SSBP2: variants seen among roughly 807,000 people sequenced by gnomAD.
The protein encoded by SSBP2 is single stranded DNA binding protein 2.
A neutral mutation model predicts 61.8 loss-of-function variants in SSBP2; 17 were observed. The observed-to-expected ratio is 0.28, with a 90% confidence interval of 0.19 to 0.41. SSBP2 has a LOEUF of 0.41. Ranked by LOEUF, SSBP2 falls within the 10% of genes least tolerant of loss-of-function variation. The pLI, the probability that SSBP2 is intolerant of heterozygous loss-of-function variation, is 1.00. For missense variants in SSBP2, 310 were observed against 458.7 expected (o/e 0.68, Z 2.96); for synonymous variants, 139 against 141.3 (o/e 0.98, Z 0.12).
chr5:81,515,117 CT>C (rs898227613), intron 4 of SSBP2, among the ~76,000 whole-genome samples: 3 of 151,868 alleles, frequency 2.0e-5, no homozygotes, highest in Non-Finnish European at 2.9e-5. Flanking sequence ...AAGCAAATTG[CT>C]TTTTTTCATT....
intron 6 of SSBP2, among the ~76,000 whole-genome samples, chr5:81,478,476 G>T (rs1003959981): frequency 2.0e-5 from 3 of 152,058 alleles, no homozygotes; most frequent in African/African-American, 7.2e-5. Flanking sequence ...AAGTAGCTGG[G>T]ATTATGGGCA....
At chr5:81,733,342 ATCTC>A (rs1020997127) in intron 1 of SSBP2, among the ~76,000 whole-genome samples, 1 of 152,086 alleles carries the variant, frequency 6.6e-6, no homozygotes, top group Non-Finnish European at 1.5e-5. Flanking sequence ...AGAGATACTT[ATCTC>A]TCTAACTTTC....
At chr5:81,475,892 TTGTG>T (rs748826454) in intron 6 of SSBP2, among the ~76,000 whole-genome samples, 2 of 152,056 alleles carry the variant, frequency 1.3e-5, no homozygotes, top group Non-Finnish European at 2.9e-5. Context: ...GATTGAATAA[TTGTG>T]TGTGTATACA....
intron 2 of SSBP2, among the ~76,000 whole-genome samples, chr5:81,646,250 G>A (rs1352484627): frequency 6.6e-6 from 1 of 152,126 alleles, no homozygotes; most frequent in Non-Finnish European, 1.5e-5. Context: ...CTATCCAGAG[G>A]AAGAATGTCA....
chr5:81,603,423 C>G (rs756852828), intron 4 of SSBP2, among the ~76,000 whole-genome samples: 1 of 152,174 alleles, frequency 6.6e-6, no homozygotes, highest in Non-Finnish European at 1.5e-5. Flanking sequence ...AAGGCTTCTT[C>G]TGACCCAGCC....
At chr5:81,727,287 C>A (rs780946594) in intron 1 of SSBP2, among the ~76,000 whole-genome samples, 1 of 152,156 alleles carries the variant, frequency 6.6e-6, no homozygotes, top group African/African-American at 2.4e-5. Context: ...CAGTGGCTCA[C>A]GCCTGTAATT....
chr5:81,656,476 A>G (rs1224207274), intron 1 of SSBP2, among the ~76,000 whole-genome samples: 1 of 152,210 alleles, frequency 6.6e-6, no homozygotes, highest in African/African-American at 2.4e-5. Flanking sequence ...AATATGTTTA[A>G]TATATAAAGA....
intron 1 of SSBP2, among the ~76,000 whole-genome samples, chr5:81,652,925 C>G (rs765995765): frequency 6.6e-6 from 1 of 151,772 alleles, no homozygotes; most frequent in Non-Finnish European, 1.5e-5. Flanking sequence ...CCCCAAGTCC[C>G]CAAAGTTCAC....
intron 1 of SSBP2, among the ~76,000 whole-genome samples, chr5:81,683,515 A>T (rs1348621549): frequency 2.0e-5 from 3 of 152,214 alleles, no homozygotes; most frequent in African/African-American, 7.2e-5. Context: ...TGAAAATGTA[A>T]AACAATAAAA....
chr5:81,716,064 AAAC>A (rs780333430), intron 1 of SSBP2, among the ~76,000 whole-genome samples: 15 of 151,936 alleles, frequency 9.9e-5, no homozygotes, highest in South Asian at 2.1e-4. Flanking sequence ...CTCAAAAACA[AAAC>A]AACAACAACA....
intron 5 of SSBP2, among the ~76,000 whole-genome samples, chr5:81,497,529 G>A (rs1252562186): frequency 3.3e-5 from 5 of 152,158 alleles, no homozygotes; most frequent in Admixed American, 3.3e-4. Flanking sequence ...ATCCGTTGAT[G>A]TGGTAAAGAG....
intron 15 of SSBP2, among the ~76,000 whole-genome samples, chr5:81,434,317 G>A (rs1052689811): frequency 5.3e-5 from 8 of 152,044 alleles, no homozygotes; most frequent in African/African-American, 1.4e-4. Context: ...AGATTTAACT[G>A]GAGAACTATA....
chr5:81,685,036 T>C (rs936538985), intron 1 of SSBP2, among the ~76,000 whole-genome samples: 19 of 152,016 alleles, frequency 1.2e-4, no homozygotes, highest in Admixed American at 2.6e-4. Flanking sequence ...TGATAGTGAG[T>C]TCTCACGAGA....
rs190248335 is a variant in SSBP2, at chr5:81,649,288, A to C, written c.135+979T>G. Among the ~76,000 whole-genome samples, 17 of 152,274 alleles carry C rather than the reference A, an allele frequency of 1.1e-4. No homozygotes were observed. In the East Asian group the frequency reaches 3.3e-3, roughly 29 times the overall value. On this transcript the variant is annotated intron_variant, in intron 2 of 16. Coordinates refer to ENST00000320672, the MANE Select transcript of SSBP2 (RefSeq NM_012446.5). ...TTGGCACATTGTATGCCTGGCACAT[A>C]ACAGAGCTCAATAAAATCCTCATCA...
chr5:81,577,833 T>C (rs565791625), intron 4 of SSBP2, among the ~76,000 whole-genome samples: 12 of 152,154 alleles, frequency 7.9e-5, no homozygotes, highest in Admixed American at 2.6e-4. Context: ...CAAGAACTTA[T>C]TGAAAATAGT....
intron 4 of SSBP2, among the ~76,000 whole-genome samples, chr5:81,589,082 A>T (rs141980885): frequency 1.0e-3 from 159 of 152,180 alleles, no homozygotes; most frequent in African/African-American, 3.7e-3. Flanking sequence ...ACAAACAAAA[A>T]ACAAACCAAT....
At chr5:81,482,424 G>C (rs1005098105) in intron 6 of SSBP2, among the ~76,000 whole-genome samples, 15 of 152,164 alleles carry the variant, frequency 9.9e-5, no homozygotes, top group African/African-American at 3.6e-4. Flanking sequence ...TCTTCCAACA[G>C]TTTAGTGTAG....
intron 9 of SSBP2, among the ~76,000 whole-genome samples, chr5:81,465,717 T>C (rs964501907): frequency 2.6e-5 from 4 of 152,056 alleles, no homozygotes; most frequent in African/African-American, 9.7e-5. Context: ...CTCCATCCTA[T>C]TGGTAAGAGC....
chr5:81,750,353 G>A (rs1482633967), intron 1 of SSBP2, among the ~76,000 whole-genome samples: 2 of 144,334 alleles, frequency 1.4e-5, no homozygotes, highest in African/African-American at 5.0e-5. Flanking sequence ...CACGCCCTCC[G>A]CGCCCCGCGC....
Sources: allele counts gnomAD v4.1 joint callset (sites outside exome capture counted in the v4.1 genomes callset), GRCh38; gene constraint gnomAD v4.1.1; transcripts MANE v1.5; gene names NCBI Gene and HGNC (gene_info 2026-07-23, HGNC 2026-07-21).